The following NEUROD1 variants were observed in gnomAD, a reference collection of about 807,000 sequenced individuals.
NEUROD1 encodes neurogenic differentiation factor 1.
Under a neutral mutation model 21.8 loss-of-function variants are expected in NEUROD1, and 9 were observed. That is an observed-to-expected ratio of 0.41 (90% CI 0.25 to 0.72). The LOEUF is 0.72. Ranked by LOEUF, NEUROD1 falls within the 30% of genes least tolerant of loss-of-function variation. The pLI is 0.31. For synonymous variants in NEUROD1, 199 were observed against 186.2 expected (o/e 1.07, Z -0.56); for missense variants, 434 against 468.8 (o/e 0.93, Z 0.69).
At chr2:181,669,002 A>G (rs993669271), downstream of NEUROD1, among the ~76,000 whole-genome samples, 10 of 152,158 alleles carry the variant, frequency 6.6e-5, no homozygotes, top group African/African-American at 2.4e-4. Context: ...CTTACTGCTA[A>G]CATTCTCTCT....
chr2:181,677,662 A>T lies in NEUROD1; in HGVS notation c.*128T>A. 1 of 1,533,552 alleles carries T rather than the reference A, an allele frequency of 6.5e-7. No homozygotes were observed. The highest frequency in any genetic ancestry group is 8.9e-7 in the Non-Finnish European group (1 of 1,124,700). The allele number at this position is 1,533,552 out of a possible 1,614,324, so 95.0% of individuals were successfully genotyped here. ...AAGGCAGTAATGACAATAAATACAT[A>T]TATCACTTGAAGCTTGGAGTATTTG... On this transcript the variant is annotated 3_prime_UTR_variant, in exon 2 of 2. Transcript: ENST00000295108.
Position 181,678,050 on chromosome 2 carries a change from C to T in NEUROD1, c.811G>A (p.Gly271Arg). The T allele has an allele frequency of 6.2e-7, 1 of 1,614,160 alleles. No individual in the cohort carries two copies. Among genetic ancestry groups the T allele is most frequent in the Admixed American group, 1.7e-5 (1 of 60,026 alleles). Reference protein sequence around the residue: ...LTDCTSPSFDGPLSPPLSING... With the variant: ...LTDCTSPSFDRPLSPPLSING... ...ATGCTGAGCGGCGGGCTGAGGGGTC[C>T]ATCAAAGGAAGGGCTGGTGCAATCA... Residue 271 changes from glycine to arginine, a missense_variant, in exon 2 of 2, where the codon GGA (glycine) becomes AGA (arginine). Gly to Arg is a moderately radical substitution (Grantham distance 125, BLOSUM62 -2). Transcript: ENST00000295108. This position sits in a 1 kb window ranked among gnomAD's most constrained non-coding sequence, Gnocchi z 5.5.
downstream of NEUROD1, among the ~76,000 whole-genome samples, chr2:181,676,135 AT>A (rs777895762): frequency 1.3e-4 from 20 of 152,304 alleles, no homozygotes; most frequent in South Asian, 3.1e-3. Context: ...AAAAAAAGAA[AT>A]AGAAGAAAAC....
At chr2:181,680,280 T>A (rs1688672795) in intron 1 of NEUROD1, 150 bp downstream of exon 1, 1 of 152,238 alleles carries the variant, frequency 6.6e-6, no homozygotes, top group South Asian at 2.1e-4. Flanking sequence ...ACTCATTATG[T>A]GTGAGTACTT....
chr2:181,670,166 T>G (rs192873068), downstream of NEUROD1, among the ~76,000 whole-genome samples: 941 of 152,316 alleles, frequency 6.2e-3, 7 homozygotes, highest in African/African-American at 0.022. Context: ...GACATTTTCT[T>G]CACATGAAGA....
At chr2:181,670,788 C>G (rs1688486551) in exon 2 of NEUROD1, among the ~76,000 whole-genome samples, 1 of 152,062 alleles carries the variant, frequency 6.6e-6, no homozygotes, top group Non-Finnish European at 1.5e-5. Flanking sequence ...TGCCATTCTT[C>G]CTGTATGCTG....
Position 181,680,412 on chromosome 2 carries a change from T to G in NEUROD1, c.-12+18A>C, listed in dbSNP as rs1046606795. The G allele has an allele frequency of 6.6e-6, 1 of 152,172 alleles. No individual in the cohort carries two copies. The highest frequency in any genetic ancestry group is 2.1e-4 in the South Asian group (1 of 4,822). The allele number at this position is 152,172 out of a possible 1,614,324, so 9.4% of individuals were successfully genotyped here. A position where few individuals can be genotyped will look rare whatever the true frequency, so the allele number is the denominator to read the frequency against. ...TTGCTTCTATTCTGGGGCAAAAAAA[T>G]GAAAGAACTGTAATTACCTTTGTTG... On this transcript the variant is annotated intron_variant, in intron 1 of 1. Transcript: ENST00000295108.
At chr2:181,669,331 C>A (rs1688464932), downstream of NEUROD1, among the ~76,000 whole-genome samples, 1 of 152,100 alleles carries the variant, frequency 6.6e-6, no homozygotes, top group South Asian at 2.1e-4. Flanking sequence ...ATGCAAAAAA[C>A]AATTCCCCTT....
Position 181,678,504 on chromosome 2 carries a change from C to G in NEUROD1, c.357G>C (p.Ala119=), listed in dbSNP as rs375774931. 1 of 1,614,112 alleles carries G rather than the reference C, an allele frequency of 6.2e-7. No individual in the cohort carries two copies. The highest frequency in any genetic ancestry group is 8.5e-7 in the Non-Finnish European group (1 of 1,180,056). ...RERNRMHGLN[A]ALDNLRKVVP... is the part of the protein sequence containing the mutation. ...CCACCTTGCGCAGGTTGTCTAGCGC[C>G]GCGTTCAGTCCGTGCATGCGGTTCC... Residue 119 remains alanine (A), a synonymous_variant, in exon 2 of 2, where the codon GCG becomes GCC. Transcript: ENST00000295108. This position sits in a 1 kb window ranked among gnomAD's most constrained non-coding sequence, Gnocchi z 5.5.
downstream of NEUROD1, chr2:181,676,439 C>T (rs991156794): frequency 1.3e-5 from 2 of 152,604 alleles, no homozygotes; most frequent in East Asian, 3.9e-4. Context: ...AAACAGAATC[C>T]CTTTAAGAAG....
chr2:181,677,177 A>G lies in NEUROD1; in HGVS notation c.*613T>C, dbSNP rs1178773228. The G allele has an allele frequency of 7.3e-6, 1 of 137,640 alleles. No homozygotes were observed. The highest frequency in any genetic ancestry group is 1.5e-5 in the Non-Finnish European group (1 of 64,974). The allele number at this position is 137,640 out of a possible 1,614,324, so 8.5% of individuals were successfully genotyped here. ...TGGAGAGGAAAGAAGTGCTAAGGCA[A>G]CACAATAACTTTCTAAGCACTTTTC... On this transcript the variant is annotated 3_prime_UTR_variant, in exon 2 of 2. Coordinates refer to ENST00000295108, the MANE Select transcript of NEUROD1 (RefSeq NM_002500.5).
chr2:181,677,785 T>C lies in NEUROD1; in HGVS notation c.*5A>G. The C allele has an allele frequency of 1.2e-6, 2 of 1,614,142 alleles. No homozygotes were observed. Among genetic ancestry groups the C allele is most frequent in the Non-Finnish European group, 1.7e-6 (2 of 1,180,034 alleles). On this transcript the variant is annotated 3_prime_UTR_variant, in exon 2 of 2. Coordinates refer to ENST00000295108, the MANE Select transcript of NEUROD1 (RefSeq NM_002500.5). ...TTTCCCGGAAATGGTGAAACTGGCG[T>C]GCCTCTAATCATGAAATATGGCATT...
exon 2 of NEUROD1, among the ~76,000 whole-genome samples, chr2:181,671,025 G>GTGCA (rs767231059): frequency 2.2e-4 from 32 of 146,706 alleles, no homozygotes; most frequent in African/African-American, 7.5e-4. Context: ...GCATATGTGT[G>GTGCA]CACACACACA....
chr2:181,671,929 C>T (rs1027080418), downstream of NEUROD1, among the ~76,000 whole-genome samples: 2 of 152,256 alleles, frequency 1.3e-5, no homozygotes, highest in East Asian at 1.9e-4. Context: ...TTAACTGACA[C>T]CATTGAGCGC....
downstream of NEUROD1, among the ~76,000 whole-genome samples, chr2:181,675,502 T>C (rs2105591184): frequency 6.6e-6 from 1 of 152,336 alleles, no homozygotes; most frequent in African/African-American, 2.4e-5. Context: ...TCATCCAATG[T>C]GGCACCCGAA....
chr2:181,678,127 G>T lies in NEUROD1; in HGVS notation c.734C>A (p.Pro245Gln), dbSNP rs781326910. 1.9e-6 allele frequency: 3 copies of T among 1,614,084 alleles called. No individual in the cohort carries two copies. Among genetic ancestry groups the T allele is most frequent in the Non-Finnish European group, 8.5e-7 (1 of 1,180,042 alleles). The stretch of plus-strand genomic sequence containing the variant: ...CAGCGCTGCGCTGTAGGCGTGCGGC[G>T]GAGGCTTAACGTGGAAGACATGGGA... ...DSSHVFHVKP[P>Q]PHAYSAALEP... The change falls in exon 2 of 2, where the codon CCG becomes CAG. Residue 245 changes from proline to glutamine, a missense_variant. Coordinates refer to ENST00000295108, the MANE Select transcript of NEUROD1 (RefSeq NM_002500.5). This position sits in a 1 kb window ranked among gnomAD's most constrained non-coding sequence, Gnocchi z 5.5.
downstream of NEUROD1, chr2:181,673,603 A>G (rs1255198775): frequency 6.6e-6 from 1 of 152,182 alleles, no homozygotes; most frequent in Non-Finnish European, 1.5e-5. Flanking sequence ...TGTTAGAGAG[A>G]GAGAAAAGGA....
downstream of NEUROD1, among the ~76,000 whole-genome samples, chr2:181,672,712 G>A (rs941920843): frequency 6.6e-6 from 1 of 152,192 alleles, no homozygotes; most frequent in Non-Finnish European, 1.5e-5. Context: ...ATGAAGAAAG[G>A]AAGACAGGAA....
At chr2:181,669,599 A>C (rs1204730496), downstream of NEUROD1, among the ~76,000 whole-genome samples, 1 of 152,248 alleles carries the variant, frequency 6.6e-6, no homozygotes, top group Admixed American at 6.5e-5. Flanking sequence ...TTTATCAGTC[A>C]GCAGAGGCAG....
Sources: allele counts gnomAD v4.1 joint callset (sites outside exome capture counted in the v4.1 genomes callset), GRCh38; gene constraint gnomAD v4.1.1; non-coding constraint Gnocchi (gnomAD v3.1); transcripts MANE v1.5; gene names NCBI Gene and HGNC (gene_info 2026-07-23, HGNC 2026-07-21).